PCDHGA6: variants seen among roughly 807,000 people sequenced by gnomAD.
PCDHGA6 encodes protocadherin gamma subfamily A, 6, also known as protocadherin gamma-A6.
PCDHGA6 carries 41 observed loss-of-function variants against 60.6 expected under a neutral mutation model. The ratio of observed to expected loss-of-function variants is 0.68; its 90% CI spans 0.53 to 0.88. PCDHGA6 has a LOEUF of 0.88. PCDHGA6 is among the 40% of genes least tolerant of loss of function. The probability of loss-of-function intolerance (pLI) is 0.00; values close to 1 mark genes in which losing one functional copy is unlikely to be tolerated. For missense variants in PCDHGA6, 1,312 were observed against 1,203.0 expected (o/e 1.09, Z -1.34); for synonymous variants, 594 against 524.4 (o/e 1.13, Z -1.81).
rs766516627 is a variant in PCDHGA6 at position 141,398,178 on chromosome 5, C to G, written c.2424+21671C>G. The G allele has an allele frequency of 8.2e-6, 12 of 1,472,146 alleles. No individual in the cohort carries two copies. The South Asian group carries it at 8.4e-5, about 10-fold the overall frequency. The allele number at this position is 1,472,146 out of a possible 1,614,324, so 91.2% of individuals were successfully genotyped here. A position where few individuals can be genotyped will look rare whatever the true frequency, so the allele number is the denominator to read the frequency against. ...GCCGGGCTGAGAGGCTGCCAGTGCT[C>G]TTTCTCTTCCTGCTGTCTTTGTTCT... On this transcript the variant is annotated intron_variant, in intron 1 of 3. Coordinates refer to ENST00000517434, the MANE Select transcript of PCDHGA6 (RefSeq NM_018919.3).
intron 1 of PCDHGA6, chr5:141,478,773 T>C (rs975950601): frequency 1.3e-6 from 2 of 1,496,766 alleles, no homozygotes; most frequent in African/African-American, 2.8e-5. Context: ...GACTCATCTG[T>C]GGACCTAATT....
intron 1 of PCDHGA6, among the ~76,000 whole-genome samples, chr5:141,450,022 T>TTTTC: frequency 6.7e-6 from 1 of 149,424 alleles, no homozygotes; most frequent in Admixed American, 6.7e-5. Context: ...TTTTTTTTTT[T>TTTTC]TTGAGACAGG....
rs545232987 is a variant in PCDHGA6 at position 141,484,750 on chromosome 5, G to GTA, written c.2425-10043_2425-10042dup. 2.3e-3 allele frequency among the ~76,000 whole-genome samples: 340 copies of GTA among 149,860 alleles called. 1 individual carries two copies. Among genetic ancestry groups the GTA allele is most frequent in the South Asian group, 1.0e-2 (47 of 4,704 alleles). On this transcript the variant is annotated intron_variant, in intron 1 of 3. Coordinates refer to ENST00000517434, the MANE Select transcript of PCDHGA6 (RefSeq NM_018919.3). ...CAGTCGGTGTGTTAGGAAAAAAAAT[G>GTA]TATATATATATATATGTTGTCTGCC...
At chr5:141,427,897 C>T (rs866283444) in intron 1 of PCDHGA6, 1 of 1,571,008 alleles carries the variant, frequency 6.4e-7, no homozygotes. Context: ...CAGGGCTCGC[C>T]CGCGCTCAGC....
At chr5:141,445,313 T>C (rs1186654847) in intron 1 of PCDHGA6, among the ~76,000 whole-genome samples, 8 of 152,328 alleles carry the variant, frequency 5.3e-5, no homozygotes, top group Non-Finnish European at 4.4e-5. Flanking sequence ...GTTTGTAGGT[T>C]GAGAGAACCC....
intron 1 of PCDHGA6, chr5:141,397,930 G>C (rs898785209): frequency 5.2e-6 from 4 of 775,998 alleles, no homozygotes; most frequent in Non-Finnish European, 8.1e-6. Flanking sequence ...TCGCGCAGCC[G>C]CAGCGCGCTT....
chr5:141,460,414 T>G (rs1289935272), intron 1 of PCDHGA6, among the ~76,000 whole-genome samples: 1 of 152,216 alleles, frequency 6.6e-6, no homozygotes, highest in Non-Finnish European at 1.5e-5. Context: ...GAGTTGATGT[T>G]TATGTATGGT....
intron 1 of PCDHGA6, chr5:141,419,430 A>T: frequency 1.2e-6 from 2 of 1,613,318 alleles, no homozygotes; most frequent in Non-Finnish European, 1.7e-6. Flanking sequence ...GACCACGAGC[A>T]GCTGCGCACC....
chr5:141,420,022 TA>T (rs2096459209), intron 1 of PCDHGA6: 1 of 1,613,986 alleles, frequency 6.2e-7, no homozygotes. Flanking sequence ...CTTTCAGCCC[TA>T]CTGCAGGAGA....
In PCDHGA6 at chr5:141,432,296, G is replaced by A. The variant is rs895669878; in HGVS notation, c.2424+55789G>A. The A allele has an allele frequency of 2.5e-6, 4 of 1,614,106 alleles. No homozygotes were observed. The highest frequency in any genetic ancestry group is 1.1e-5 in the South Asian group (1 of 91,082). The stretch of plus-strand genomic sequence containing the variant: ...CGTGTCCATCAACTCCGACACTGGG[G>A]TACTGTATGCGCTGAGCTCCTTCGA... On this transcript the variant is annotated intron_variant, in intron 1 of 3. Transcript: ENST00000517434. The surrounding 1 kb of genome is among the most constrained non-coding windows in gnomAD (Gnocchi z 6.0).
chr5:141,484,962 G>A (rs2099604361), intron 1 of PCDHGA6: 1 of 577,858 alleles, frequency 1.7e-6, no homozygotes, highest in Non-Finnish European at 3.1e-6. Flanking sequence ...GGCTGAGCCC[G>A]GGAGCCGCTG....
chr5:141,433,358 C>CCTATCTAT (rs3074541), intron 1 of PCDHGA6: 29,853 of 503,480 alleles, frequency 0.059, 1,017 homozygotes, highest in East Asian at 0.071. Context: ...CTACTGTCTG[C>CCTATCTAT]CTATCTATCT....
At position 141,384,752 on chromosome 5, in the gene PCDHGA6, C is replaced by T. The variant is rs974144646; in HGVS notation, c.2424+8245C>T. 6.2e-6 allele frequency: 10 copies of T among 1,613,906 alleles called. No individual in the cohort carries two copies. The African/African-American group carries it at 6.7e-5, about 11-fold the overall frequency. ...AAGGCCAGCGAGCCAGGACTCTTTG[C>T]GGTTGGGCTGTACACGGGCGAGGTG... On this transcript the variant is annotated intron_variant, in intron 1 of 3. Coordinates refer to ENST00000517434, the MANE Select transcript of PCDHGA6 (RefSeq NM_018919.3).
intron 1 of PCDHGA6, chr5:141,427,774 G>C: frequency 7.0e-7 from 1 of 1,420,908 alleles, no homozygotes; most frequent in Non-Finnish European, 9.8e-7. Context: ...TTGGAGCTGC[G>C]GGCACTGTCG....
At chr5:141,446,621 C>T (rs1284919173) in intron 1 of PCDHGA6, among the ~76,000 whole-genome samples, 2 of 152,094 alleles carry the variant, frequency 1.3e-5, no homozygotes, top group Non-Finnish European at 2.9e-5. Flanking sequence ...GGACTACAGG[C>T]GTGCACCACC....
intron 1 of PCDHGA6, among the ~76,000 whole-genome samples, chr5:141,424,964 A>G (rs62378457): frequency 0.11 from 16,148 of 152,126 alleles, 960 homozygotes; most frequent in African/African-American, 0.17. Flanking sequence ...ATTTGCCCCA[A>G]ATTACTTGGA....
intron 1 of PCDHGA6, among the ~76,000 whole-genome samples, chr5:141,451,854 C>T (rs1243479409): frequency 6.6e-6 from 1 of 152,058 alleles, no homozygotes; most frequent in Non-Finnish European, 1.5e-5. Flanking sequence ...CCACTCCAGC[C>T]TAGGCCACAG....
At chr5:141,509,322 C>G (rs563556144) in intron 3 of PCDHGA6, among the ~76,000 whole-genome samples, 1 of 152,318 alleles carries the variant, frequency 6.6e-6, no homozygotes, top group East Asian at 1.9e-4. Flanking sequence ...GAGAGAAGCT[C>G]TACTGCCAGC....
intron 1 of PCDHGA6, among the ~76,000 whole-genome samples, chr5:141,402,771 G>A (rs2094306356): frequency 6.6e-6 from 1 of 152,218 alleles, no homozygotes; most frequent in African/African-American, 2.4e-5. Context: ...ACTCCATCCG[G>A]ATTTCCAGTT....
Sources: allele counts gnomAD v4.1 joint callset (sites outside exome capture counted in the v4.1 genomes callset), GRCh38; gene constraint gnomAD v4.1.1; non-coding constraint Gnocchi (gnomAD v3.1); transcripts MANE v1.5; gene names NCBI Gene and HGNC (gene_info 2026-07-23, HGNC 2026-07-21).